The following LY75 variants were observed in gnomAD, a reference collection of about 807,000 sequenced individuals.
LY75 encodes lymphocyte antigen 75.
LY75 carries 185 observed loss-of-function variants against 231.7 expected under a neutral mutation model. The ratio of observed to expected loss-of-function variants is 0.80; its 90% confidence interval spans 0.71 to 0.90. LY75 has a LOEUF of 0.90. LY75 is among the 40% of genes least tolerant of loss of function. The pLI, the probability that LY75 is intolerant of heterozygous loss-of-function variation, is 0.00. For synonymous variants in LY75, 668 were observed against 689.0 expected, an observed-to-expected ratio of 0.97 and a Z score of 0.48; for missense variants, 1,947 against 2,050.2, an observed-to-expected ratio of 0.95 and a Z score of 0.97.
In LY75 at chr2:159,855,078, T is replaced by G. The variant is rs536811519; in HGVS notation, c.2384-139A>C. 6.4e-4 allele frequency: 682 copies of G among 1,057,452 alleles called. 10 individuals carry two copies. The South Asian group carries it at 0.01, about 16-fold the overall frequency. 65.5% of individuals were successfully genotyped at this position (1,057,452 alleles called of 1,614,324 possible). A position where few individuals can be genotyped will look rare whatever the true frequency, so the allele number is the denominator to read the frequency against. ...ATTTCTGGCCAACCCACTTCACGTT[T>G]TGATCACTTTAGTTGTATTTTGTAG... is the stretch of plus-strand genomic sequence containing the variant. On this transcript the variant is annotated intron_variant, in intron 16 of 34. Coordinates refer to ENST00000263636, the MANE Select transcript of LY75 (RefSeq NM_002349.4).
chr2:159,841,460 G>A (rs1279309105), intron 24 of LY75, among the ~76,000 whole-genome samples: 1 of 152,044 alleles, frequency 6.6e-6, no homozygotes, highest in African/African-American at 2.4e-5. Context: ...TTCTGCCAAA[G>A]CACATGAGAT....
At chr2:159,819,962 A>C in intron 28 of LY75, 42 bp from the exon 29 acceptor site, 1 of 1,539,914 alleles carries the variant, frequency 6.5e-7, no homozygotes, top group Non-Finnish European at 8.7e-7. Flanking sequence ...AGATTAAATC[A>C]AGACTTGAAT....
Position 159,904,650 on chromosome 2 carries a change from C to G in LY75, c.33G>C (p.Pro11=). ...AGAAGAGCAGCATGAGGAGCCCCGC[C>G]GGGCGGCGAGGGGTCGCCCAGCCTG... MRTGWATPRR[P]AGLLMLLFWF... Residue 11 remains proline (P), a synonymous_variant, in exon 1 of 35, where the codon CCG becomes CCC. Coordinates refer to ENST00000263636, the MANE Select transcript of LY75 (RefSeq NM_002349.4). 6.7e-7 allele frequency: 1 copy of G among 1,492,752 alleles called. No individual in the cohort carries two copies. The highest frequency in any genetic ancestry group is 8.9e-7 in the Non-Finnish European group (1 of 1,124,026). The allele number at this position is 1,492,752 out of a possible 1,614,324, so 92.5% of individuals were successfully genotyped here. A position where few individuals can be genotyped will look rare whatever the true frequency, so the allele number is the denominator to read the frequency against.
At chr2:159,812,837 A>G (rs1186572551) in intron 31 of LY75, among the ~76,000 whole-genome samples, 2 of 152,190 alleles carry the variant, frequency 1.3e-5, no homozygotes, top group South Asian at 2.1e-4. Context: ...CCACTAAACA[A>G]TAACTCCCCA....
chr2:159,894,796 C>CATTT (rs1046437173), intron 2 of LY75, among the ~76,000 whole-genome samples: 9 of 152,310 alleles, frequency 5.9e-5, no homozygotes, highest in African/African-American at 2.2e-4. Context: ...TTACTTCAAT[C>CATTT]ATTTTCCCTG....
At chr2:159,840,275 A>G (rs1175731214) in intron 25 of LY75, among the ~76,000 whole-genome samples, 1 of 152,152 alleles carries the variant, frequency 6.6e-6, no homozygotes, top group African/African-American at 2.4e-5. Context: ...TTGCCTCTAA[A>G]AACCACATAT....
At chr2:159,820,315 G>A (rs1683248257) in intron 28 of LY75, among the ~76,000 whole-genome samples, 2 of 152,218 alleles carry the variant, frequency 1.3e-5, no homozygotes, top group South Asian at 2.1e-4. Flanking sequence ...AAGAAAATGT[G>A]GTAATGTGGT....
Position 159,834,188 on chromosome 2 carries a change from G to A in LY75, c.3697C>T (p.Pro1233Ser). ...GATGGACATTTAACACTGTCAACTG[G>A]TTTGACCTCTTTTTCAGTCTCATCT... ...SGNETEKEVKPVDSVKCPSPV... is the reference protein window; with the variant it reads ...SGNETEKEVKSVDSVKCPSPV... Residue 1233 changes from proline to serine, a missense_variant, in exon 27 of 35, where the codon CCA becomes TCA. Pro to Ser is a moderately conservative substitution (Grantham distance 74). Transcript: ENST00000263636. 6.2e-7 allele frequency: 1 copy of A among 1,613,780 alleles called. No individual in the cohort carries two copies. Among genetic ancestry groups the A allele is most frequent in the Non-Finnish European group, 8.5e-7 (1 of 1,179,868 alleles).
chr2:159,850,201 T>A, intron 22 of LY75, 61 bp from the exon 23 acceptor site: 1 of 1,534,338 alleles, frequency 6.5e-7, no homozygotes, highest in East Asian at 2.4e-5. Context: ...ACATTAAAAA[T>A]GTCAATGAAT....
rs757939221 is a variant in LY75, at chr2:159,842,197, A to G, written c.3280+48T>C. On this transcript the variant is annotated intron_variant, in intron 24 of 34. Coordinates refer to ENST00000263636, the MANE Select transcript of LY75 (RefSeq NM_002349.4). The stretch of plus-strand genomic sequence containing the variant: ...TGACTCTCTCTCTCTCTATATATAT[A>G]TATGTAATAGCATAAAGTACCATAG... The G allele has an allele frequency of 2.2e-5, 34 of 1,579,008 alleles. No homozygotes were observed. In the East Asian group the frequency reaches 7.7e-4, roughly 36 times the overall value.
intron 28 of LY75, among the ~76,000 whole-genome samples, chr2:159,829,147 G>T (rs1683571959): frequency 6.6e-6 from 1 of 152,294 alleles, no homozygotes; most frequent in South Asian, 2.1e-4. Flanking sequence ...CACACCCAAT[G>T]TTGTCCTGGT....
intron 4 of LY75, among the ~76,000 whole-genome samples, chr2:159,887,271 C>A (rs1425258057): frequency 1.4e-5 from 2 of 140,586 alleles, no homozygotes; most frequent in Non-Finnish European, 3.1e-5. Context: ...GGAGATAGAT[C>A]ATTCAAATTT....
At position 159,835,525 on chromosome 2, in the gene LY75, C is replaced by A. The variant is rs768171070; in HGVS notation, c.3628G>T (p.Asp1210Tyr). The A allele has an allele frequency of 6.2e-7, 1 of 1,612,244 alleles. No individual in the cohort carries two copies. The highest frequency in any genetic ancestry group is 8.5e-7 in the Non-Finnish European group (1 of 1,179,324). Reference protein sequence around the residue: ...LDTDGFWKTVDCNDNQPGAIC... With the variant: ...LDTDGFWKTVYCNDNQPGAIC... ...GCACCTGGTTGATTGTCATTGCAAT[C>A]AACTGTTTTCCAGAATCCATCAGTG... The change falls in exon 26 of 35, where the codon GAT becomes TAT. Residue 1210 changes from aspartate (D) to tyrosine (Y), a missense_variant. By Grantham distance (160) the Asp-to-Tyr change is radical. Transcript: ENST00000263636.
intron 31 of LY75, among the ~76,000 whole-genome samples, chr2:159,812,873 A>T (rs765209971): frequency 4.6e-5 from 7 of 152,214 alleles, no homozygotes; most frequent in Non-Finnish European, 1.0e-4. Flanking sequence ...AGTCCCTGGT[A>T]ACTGCCATTC....
At position 159,893,915 on chromosome 2, in the gene LY75, A is replaced by C. The variant is rs563165947; in HGVS notation, c.636T>G (p.Pro212=). The change falls in exon 3 of 35, where the codon CCT becomes CCG. Residue 212 remains proline, a splice_region_variant and synonymous_variant. Coordinates refer to ENST00000263636, the MANE Select transcript of LY75 (RefSeq NM_002349.4). ...TAAAATTTACCAGCCCATACATACCAGGCTTTAAGCAGATGCCCCACTTTC... is the reference window on the plus strand; with the variant it reads ...TAAAATTTACCAGCCCATACATACCCGGCTTTAAGCAGATGCCCCACTTTC... ...YDRKWGICLK[P]ENGCEDNWEK... is the part of the protein sequence containing the mutation. The C allele has an allele frequency of 5.6e-6, 9 of 1,608,034 alleles. No homozygotes were observed. In the South Asian group the frequency reaches 1.0e-4, roughly 18 times the overall value.
At chr2:159,855,106 C>A (rs558664150) in intron 16 of LY75, among the ~76,000 whole-genome samples, 167 bp from the exon 17 acceptor site, 1 of 152,246 alleles carries the variant, frequency 6.6e-6, no homozygotes, top group East Asian at 1.9e-4. Context: ...TTTTGTAGGG[C>A]CGATGCTAAA....
chr2:159,885,127 T>C (rs753209400), intron 6 of LY75, 26 bp downstream of exon 6: 2 of 1,605,630 alleles, frequency 1.2e-6, no homozygotes, highest in South Asian at 2.2e-5. Flanking sequence ...TATTTGTCTA[T>C]TTGTATGAGT....
At chr2:159,807,268 T>G in intron 33 of LY75, 128 bp from the exon 34 acceptor site, 1 of 1,124,020 alleles carries the variant, frequency 8.9e-7, no homozygotes, top group South Asian at 1.9e-5. Flanking sequence ...TAAAATGCAT[T>G]AAAAATGAAA....
chr2:159,842,922 A>C (rs961204527), intron 23 of LY75, among the ~76,000 whole-genome samples: 2 of 151,920 alleles, frequency 1.3e-5, no homozygotes, highest in African/African-American at 4.8e-5. Context: ...CACTTAGAAA[A>C]ATAAGAAAAG....
Sources: allele counts gnomAD v4.1 joint callset (sites outside exome capture counted in the v4.1 genomes callset), GRCh38; gene constraint gnomAD v4.1.1; transcripts MANE v1.5; gene names NCBI Gene and HGNC (gene_info 2026-07-23, HGNC 2026-07-21).